The following SYNE3 variants were observed in gnomAD, a reference collection of about 807,000 sequenced individuals.
The protein encoded by SYNE3 is spectrin repeat containing nuclear envelope family member 3, also known as nesprin-3.
In SYNE3, 100 loss-of-function variants were observed where a neutral mutation model predicts 111.2. The observed-to-expected ratio is 0.90, with a 90% CI of 0.77 to 1.06. The LOEUF is 1.06. Ranked by LOEUF, SYNE3 falls within the 50% of genes least tolerant of loss-of-function variation. The pLI is 0.00. For missense variants in SYNE3, 1,160 were observed against 1,240.3 expected (o/e 0.94, Z 0.97); for synonymous variants, 547 against 533.9 (o/e 1.02, Z -0.34).
chr14:95,464,272 A>T lies in SYNE3; in HGVS notation c.627+1659T>A, dbSNP rs78735473. Among the ~76,000 whole-genome samples the T allele has an allele frequency of 8.4e-3, 1,272 of 152,290 alleles. 16 individuals carry two copies. Among genetic ancestry groups the T allele is most frequent in the African/African-American group, 0.029 (1,207 of 41,534 alleles). ...ATATTCCCATGGGCCAGAAGTAAAG[A>T]TGCCCGGGAAACCACCCTGTTAAGC... On this transcript the variant is annotated intron_variant, in intron 4 of 17. Transcript: ENST00000682763.
At position 95,416,079 on chromosome 14, in the gene SYNE3, A is replaced by T. The variant is rs987618536; in HGVS notation, c.*1747T>A. ...ATAGTGCCCAAGTCACATTCTGCTT[A>T]AAGTTGTAACAAATACAGACGAGTT... On this transcript the variant is annotated 3_prime_UTR_variant, in exon 18 of 18. Coordinates refer to ENST00000682763, the MANE Select transcript of SYNE3 (RefSeq NM_152592.6). 4 of 152,008 alleles carry T rather than the reference A, an allele frequency of 2.6e-5. No individual in the cohort carries two copies. Among genetic ancestry groups the T allele is most frequent in the African/African-American group, 4.8e-5 (2 of 41,296 alleles). 9.4% of individuals were successfully genotyped at this position (152,008 alleles called of 1,614,324 possible). A position where few individuals can be genotyped will look rare whatever the true frequency, so the allele number is the denominator to read the frequency against.
chr14:95,439,693 C>A lies in SYNE3; in HGVS notation c.2165G>T (p.Gly722Val). The change falls in exon 13 of 18, where the codon GGT (glycine) becomes GTT (valine). Residue 722 changes from glycine (G) to valine (V), a missense_variant. Transcript: ENST00000682763. ...GAGCTCCTCCTGCACCACGGCAGCA[C>A]CCTCCGGAGAAGACTTCTCCATCAC... ...WLVMEKSSPE[G>V]AAVVQEELRE... 6.2e-7 allele frequency: 1 copy of A among 1,614,202 alleles called. No homozygotes were observed. Among genetic ancestry groups the A allele is most frequent in the Non-Finnish European group, 8.5e-7 (1 of 1,180,032 alleles).
At position 95,467,929 on chromosome 14, in the gene SYNE3, C is replaced by G; in HGVS notation, c.183G>C (p.Val61=). 1 of 1,613,878 alleles carries G rather than the reference C, an allele frequency of 6.2e-7. No homozygotes were observed. The highest frequency in any genetic ancestry group is 1.1e-5 in the South Asian group (1 of 91,078). ...CQLEPEGRVR[V]DLVLRMAEAL... The stretch of plus-strand genomic sequence containing the variant: ...CTTCAGCCATCCGTAGCACGAGGTC[C>G]ACCCTCACACGCCCCTCGGGCTCCA... The change falls in exon 3 of 18, where the codon GTG becomes GTC. Residue 61 remains valine (V), a synonymous_variant. Transcript: ENST00000682763.
chr14:95,504,677 C>T (rs773161998), intron 1 of SYNE3, among the ~76,000 whole-genome samples: 1 of 152,150 alleles, frequency 6.6e-6, no homozygotes, highest in Non-Finnish European at 1.5e-5. Context: ...TGAATTACTA[C>T]ATCAGTTAAA....
intron 1 of SYNE3, among the ~76,000 whole-genome samples, chr14:95,476,236 G>T (rs1422386630): frequency 1.3e-5 from 2 of 152,324 alleles, no homozygotes; most frequent in Non-Finnish European, 1.5e-5. Context: ...GGATCAAAGA[G>T]GCCTCAACCT....
intron 4 of SYNE3, among the ~76,000 whole-genome samples, chr14:95,464,791 C>A (rs1021170279): frequency 9.9e-5 from 15 of 152,230 alleles, no homozygotes; most frequent in African/African-American, 3.6e-4. Context: ...ACAACACCCC[C>A]CAAGGAAACA....
intron 17 of SYNE3, chr14:95,430,063 C>T: frequency 3.0e-6 from 2 of 665,712 alleles, no homozygotes; most frequent in Non-Finnish European, 1.8e-6. Flanking sequence ...GAACATACCA[C>T]AGTAACACAT....
At position 95,416,497 on chromosome 14, in the gene SYNE3, G is replaced by A. The variant is rs1163397953; in HGVS notation, c.*1329C>T. On this transcript the variant is annotated 3_prime_UTR_variant, in exon 18 of 18. Coordinates refer to ENST00000682763, the MANE Select transcript of SYNE3 (RefSeq NM_152592.6). ...ACATGATCCAGTTGTAGAGCACTTAGGAACCATCCCAGAGTTCCCTGGCAA... is the reference window on the plus strand; with the variant it reads ...ACATGATCCAGTTGTAGAGCACTTAAGAACCATCCCAGAGTTCCCTGGCAA... 3 of 152,236 alleles carry A rather than the reference G, an allele frequency of 2.0e-5. No individual in the cohort carries two copies. The highest frequency in any genetic ancestry group is 7.2e-5 in the African/African-American group (3 of 41,460). 9.4% of individuals were successfully genotyped at this position (152,236 alleles called of 1,614,324 possible). A position where few individuals can be genotyped will look rare whatever the true frequency, so the allele number is the denominator to read the frequency against.
chr14:95,438,934 T>C, intron 14 of SYNE3, 99 bp downstream of exon 14: 1 of 1,520,904 alleles, frequency 6.6e-7, no homozygotes, highest in Non-Finnish European at 9.0e-7. Flanking sequence ...GAGCAGAGCA[T>C]GTTGCCCCAG....
intron 17 of SYNE3, among the ~76,000 whole-genome samples, chr14:95,419,571 G>C (rs1357920649): frequency 1.3e-5 from 2 of 151,898 alleles, no homozygotes; most frequent in Non-Finnish European, 2.9e-5. Context: ...AAGAACCAAG[G>C]TTCACCCTCC....
intron 16 of SYNE3, among the ~76,000 whole-genome samples, chr14:95,432,543 T>C (rs890347890): frequency 6.6e-6 from 1 of 152,118 alleles, no homozygotes; most frequent in Non-Finnish European, 1.5e-5. Flanking sequence ...AGTTTCCTCA[T>C]TGGTTCACAG....
At position 95,482,224 on chromosome 14, in the gene SYNE3, A is replaced by T. The variant is rs553860913; in HGVS notation, c.-14-6389T>A. 1.3e-3 allele frequency among the ~76,000 whole-genome samples: 199 copies of T among 152,346 alleles called. 1 individual carries two copies. Among genetic ancestry groups the T allele is most frequent in the African/African-American group, 4.3e-3 (179 of 41,570 alleles). On this transcript the variant is annotated intron_variant, in intron 1 of 17. Transcript: ENST00000682763. ...CAAGGCAGGCGGATCACCTGAGGTC[A>T]GGAGTTTGAGATCAGCCTGGCCAAC...
At chr14:95,461,275 G>A (rs574554278) in intron 4 of SYNE3, among the ~76,000 whole-genome samples, 5 of 152,286 alleles carry the variant, frequency 3.3e-5, no homozygotes, top group Non-Finnish European at 4.4e-5. Context: ...CCAGACAGAC[G>A]CGCCTTCTGT....
At chr14:95,433,557 G>T in intron 15 of SYNE3, 148 bp from the exon 16 acceptor site, 1 of 1,179,688 alleles carries the variant, frequency 8.5e-7, no homozygotes, top group Non-Finnish European at 1.2e-6. Context: ...ACTCCCATCT[G>T]TGCAATTCAA....
chr14:95,458,889 T>C (rs188432463), intron 4 of SYNE3, among the ~76,000 whole-genome samples: 2 of 152,314 alleles, frequency 1.3e-5, no homozygotes, highest in Admixed American at 1.3e-4. Flanking sequence ...CTATGCTAGG[T>C]GTGCATGGAA....
chr14:95,457,213 G>C lies in SYNE3; in HGVS notation c.753C>G (p.Cys251Trp), dbSNP rs576045838. 6 of 1,614,044 alleles carry C rather than the reference G, an allele frequency of 3.7e-6. No homozygotes were observed. The East Asian group carries it at 1.1e-4, about 30-fold the overall frequency. The change falls in exon 5 of 18, where the codon TGC becomes TGG. Residue 251 changes from cysteine (C) to tryptophan (W), a missense_variant. Cys to Trp is a radical substitution (Grantham distance 215, BLOSUM62 -2). Coordinates refer to ENST00000682763, the MANE Select transcript of SYNE3 (RefSeq NM_152592.6). ...AGAGGCGCTGCGTGATGGGCAGCTT[G>C]CAGTTCCGCCCCAGGCAGCCATTCA... ...EKVNGCLGRN[C>W]KLPITQRLST...
At position 95,408,647 on chromosome 14, in the gene SYNE3, T is replaced by G. The variant is rs1903347087; in HGVS notation, c.*9179A>C. 6.1e-6 allele frequency: 1 copy of G among 162,628 alleles called. No homozygotes were observed. 10.1% of individuals were successfully genotyped at this position (162,628 alleles called of 1,614,324 possible). On this transcript the variant is annotated 3_prime_UTR_variant, in exon 18 of 18. Transcript: ENST00000682763. ...AGGGCTGCCCAGTTGTGCTTCTGCATGGAGATGTGTGTAGTACTCACACAT... is the reference window on the plus strand; with the variant it reads ...AGGGCTGCCCAGTTGTGCTTCTGCAGGGAGATGTGTGTAGTACTCACACAT...
intron 1 of SYNE3, among the ~76,000 whole-genome samples, chr14:95,476,069 C>T (rs903818724): frequency 1.3e-5 from 2 of 152,262 alleles, no homozygotes; most frequent in African/African-American, 2.4e-5. Context: ...GGCAAAACTG[C>T]TTTGTCTTTG....
At chr14:95,473,514 C>T (rs1426999534) in intron 2 of SYNE3, among the ~76,000 whole-genome samples, 2 of 152,010 alleles carry the variant, frequency 1.3e-5, no homozygotes, top group Non-Finnish European at 2.9e-5. Flanking sequence ...CTTGTGCACA[C>T]CCAGACCCAC....
Sources: gnomAD v4.1 joint callset for allele counts (sites outside exome capture counted in the v4.1 genomes callset) on GRCh38, gnomAD v4.1.1 for gene constraint, MANE v1.5 for transcripts, NCBI Gene and HGNC (gene_info 2026-07-23, HGNC 2026-07-21) for gene names.